LRRC37A2: variants seen among roughly 807,000 people sequenced by gnomAD.
LRRC37A2 encodes the protein leucine rich repeat containing 37 member A2, also known as leucine-rich repeat-containing protein 37A2.
LRRC37A2 carries 9 observed loss-of-function variants against 68.8 expected under a neutral mutation model. The ratio of observed to expected loss-of-function variants is 0.13; its 90% CI spans 0.08 to 0.23. The LOEUF is 0.23. LRRC37A2 is among the 10% of genes least tolerant of loss of function. The pLI, the probability that LRRC37A2 is intolerant of heterozygous loss-of-function variation, is 1.00. For synonymous variants in LRRC37A2, 63 were observed against 367.6 expected, an observed-to-expected ratio of 0.17 and a Z score of 9.48; for missense variants, 168 against 950.4, an observed-to-expected ratio of 0.18 and a Z score of 10.82.
chr17:46,806,000 TAAC>T, the LRRC37A2 span, among the ~76,000 whole-genome samples: 1 of 152,124 alleles, frequency 6.6e-6, no homozygotes, highest in East Asian at 1.9e-4. Context: ...AGAATGGGGA[TAAC>T]AAGAGTCTCT....
At chr17:46,811,261 C>A in the LRRC37A2 span, among the ~76,000 whole-genome samples, 2 of 151,460 alleles carry the variant, frequency 1.3e-5, 1 homozygote, top group Admixed American at 1.3e-4. Flanking sequence ...TGTCATCGGG[C>A]GGGTTGTTGC....
chr17:46,993,091 C>A, the LRRC37A2 span, among the ~76,000 whole-genome samples: 1 of 135,342 alleles, frequency 7.4e-6, no homozygotes. Context: ...TTTTTTTTTG[C>A]TTATCTGTAT....
chr17:46,866,705 A>G, the LRRC37A2 span, among the ~76,000 whole-genome samples: 1 of 152,036 alleles, frequency 6.6e-6, no homozygotes, highest in Non-Finnish European at 1.5e-5. Flanking sequence ...GGCGTAATGC[A>G]CTACTCCTGG....
chr17:46,487,090 C>A, the LRRC37A2 span: 4 of 771,812 alleles, frequency 5.2e-6, 2 homozygotes, highest in Non-Finnish European at 7.5e-6. Flanking sequence ...AGAAAGCCTG[C>A]AAGTGATGAG....
At chr17:46,956,327 G>A in the LRRC37A2 span, among the ~76,000 whole-genome samples, 32 of 84,662 alleles carry the variant, frequency 3.8e-4, no homozygotes, top group African/African-American at 1.5e-3. Flanking sequence ...TTTCGCTTTT[G>A]TTGCCCAGGC....
At chr17:46,860,488 C>T in the LRRC37A2 span, among the ~76,000 whole-genome samples, 1 of 152,174 alleles carries the variant, frequency 6.6e-6, no homozygotes, top group Non-Finnish European at 1.5e-5. Context: ...CCATCTACCA[C>T]TTACTGACTG....
At chr17:46,773,285 C>T in the LRRC37A2 span, among the ~76,000 whole-genome samples, 1 of 152,146 alleles carries the variant, frequency 6.6e-6, no homozygotes, top group African/African-American at 2.4e-5. Context: ...CTACTGAGGA[C>T]TTTCTAGATG....
the LRRC37A2 span, chr17:46,978,970 T>G: frequency 1.2e-4 from 167 of 1,449,314 alleles, no homozygotes; most frequent in East Asian, 5.0e-3. Flanking sequence ...GCCGTCCACC[T>G]CCTCCAAGCC....
At chr17:46,777,063 G>A in the LRRC37A2 span, among the ~76,000 whole-genome samples, 44 of 152,262 alleles carry the variant, frequency 2.9e-4, 1 homozygote, top group Middle Eastern at 0.01. Flanking sequence ...AACAGAGGCC[G>A]ACCATGCCAG....
At chr17:46,998,496 A>C in the LRRC37A2 span, among the ~76,000 whole-genome samples, 6 of 152,198 alleles carry the variant, frequency 3.9e-5, no homozygotes, top group Non-Finnish European at 8.8e-5. Flanking sequence ...CAAGAGTATA[A>C]AATGGGCAGA....
At chr17:47,024,881 G>T in the LRRC37A2 span, 1 of 579,336 alleles carries the variant, frequency 1.7e-6, no homozygotes. Context: ...TTTGTATAGG[G>T]TCTCAGCCCA....
At chr17:46,745,461 G>A in the LRRC37A2 span, among the ~76,000 whole-genome samples, 1 of 152,188 alleles carries the variant, frequency 6.6e-6, no homozygotes, top group Non-Finnish European at 1.5e-5. Flanking sequence ...TCTCCAGTAT[G>A]GTTGCTCTAC....
the LRRC37A2 span, chr17:46,935,620 C>G: frequency 1.0e-5 from 11 of 1,053,228 alleles, no homozygotes; most frequent in Non-Finnish European, 1.3e-5. Context: ...TGAATCCCCA[C>G]TGTGCAGTGT....
At chr17:46,839,522 TTATATA>T in the LRRC37A2 span, among the ~76,000 whole-genome samples, 1 of 151,486 alleles carries the variant, frequency 6.6e-6, no homozygotes, top group Non-Finnish European at 1.5e-5. Flanking sequence ...TGTAAATTCT[TTATATA>T]TATATATATG....
chr17:47,044,729 T>A, the LRRC37A2 span, among the ~76,000 whole-genome samples: 1 of 151,616 alleles, frequency 6.6e-6, no homozygotes, highest in East Asian at 1.9e-4. Context: ...AGAAAAAGAA[T>A]ACCAAAAATT....
the LRRC37A2 span, among the ~76,000 whole-genome samples, chr17:46,984,918 G>A: frequency 6.6e-6 from 1 of 152,116 alleles, no homozygotes; most frequent in South Asian, 2.1e-4. Flanking sequence ...TGTACTTCAG[G>A]GAGGCCCAAG....
At chr17:46,867,498 A>G in the LRRC37A2 span, among the ~76,000 whole-genome samples, 1 of 152,252 alleles carries the variant, frequency 6.6e-6, no homozygotes, top group East Asian at 1.9e-4. Flanking sequence ...TACCTAGGCC[A>G]GAACAGCCTT....
chr17:46,848,080 T>C, the LRRC37A2 span, among the ~76,000 whole-genome samples: 11 of 152,048 alleles, frequency 7.2e-5, no homozygotes, highest in Non-Finnish European at 1.3e-4. Flanking sequence ...GACAGGTAGC[T>C]GCATGTGGAT....
chr17:46,900,491 G>C, the LRRC37A2 span, among the ~76,000 whole-genome samples: 27 of 152,028 alleles, frequency 1.8e-4, no homozygotes, highest in African/African-American at 6.5e-4. Flanking sequence ...CTCAGGTGAT[G>C]CACCCGCCTT....
Sources: gnomAD v4.1 joint callset for allele counts (sites outside exome capture counted in the v4.1 genomes callset) on GRCh38, gnomAD v4.1.1 for gene constraint, MANE v1.5 for transcripts, NCBI Gene and HGNC (gene_info 2026-07-23, HGNC 2026-07-21) for gene names.